Variants in ZDHHC13 observed in about 807,000 individuals in gnomAD.
The protein encoded by ZDHHC13 is zDHHC palmitoyltransferase 13.
Under a neutral mutation model 86.0 loss-of-function variants are expected in ZDHHC13, and 85 were observed. The ratio of observed to expected loss-of-function variants is 0.99; its 90% CI spans 0.83 to 1.18. ZDHHC13 has a LOEUF of 1.18. ZDHHC13 is among the 50% of genes most tolerant of loss of function. The probability of loss-of-function intolerance (pLI) is 0.00; values close to 1 mark genes in which losing one functional copy is unlikely to be tolerated. For synonymous variants in ZDHHC13, 263 were observed against 246.4 expected, an observed-to-expected ratio of 1.07 and a Z score of -0.63; for missense variants, 711 against 730.2, an observed-to-expected ratio of 0.97 and a Z score of 0.30.
intron 1 of ZDHHC13, among the ~76,000 whole-genome samples, chr11:19,131,236 T>C (rs1322392304): frequency 6.6e-6 from 1 of 152,164 alleles, no homozygotes; most frequent in East Asian, 1.9e-4. Context: ...GCCAGGCTGG[T>C]CTCGAACTCC....
intron 9 of ZDHHC13, among the ~76,000 whole-genome samples, chr11:19,157,972 A>G (rs536455654): frequency 1.3e-5 from 2 of 152,336 alleles, no homozygotes; most frequent in Admixed American, 1.3e-4. Context: ...ATGTAGTGGT[A>G]GCAGGCTCTT....
chr11:19,126,681 C>T (rs1028978578), intron 1 of ZDHHC13, among the ~76,000 whole-genome samples: 1 of 151,780 alleles, frequency 6.6e-6, no homozygotes, highest in Admixed American at 6.6e-5. Flanking sequence ...CATGAGTTCT[C>T]ATCATTTAGC....
chr11:19,176,135 G>A lies in ZDHHC13; in HGVS notation c.*175G>A. On this transcript the variant is annotated 3_prime_UTR_variant, in exon 17 of 17. Coordinates refer to ENST00000446113, the MANE Select transcript of ZDHHC13 (RefSeq NM_019028.3). ...AAGGCATTACAATTTTTTAGGTTTA[G>A]AAAGATGGACTTTTCTGATAAATCT... 2 of 514,492 alleles carry A rather than the reference G, an allele frequency of 3.9e-6. No individual in the cohort carries two copies. The highest frequency in any genetic ancestry group is 6.1e-6 in the Non-Finnish European group (2 of 325,532). The allele number at this position is 514,492 out of a possible 1,614,324, so 31.9% of individuals were successfully genotyped here.
chr11:19,136,013 C>T (rs569836065), intron 1 of ZDHHC13, among the ~76,000 whole-genome samples: 47 of 152,318 alleles, frequency 3.1e-4, no homozygotes, highest in African/African-American at 1.0e-3. Context: ...AAAAGCAGAG[C>T]GCCTCTCCTC....
At chr11:19,173,748 GA>G (rs1850286098) in intron 16 of ZDHHC13, among the ~76,000 whole-genome samples, 4 of 152,188 alleles carry the variant, frequency 2.6e-5, no homozygotes, top group Admixed American at 2.6e-4. Flanking sequence ...AGCTAAACCA[GA>G]GGAATAAATG....
intron 8 of ZDHHC13, among the ~76,000 whole-genome samples, chr11:19,155,062 A>T (rs921033682): frequency 2.0e-5 from 3 of 152,156 alleles, no homozygotes; most frequent in African/African-American, 7.2e-5. Context: ...ATTGCATCTG[A>T]CCTTCTGCAT....
chr11:19,164,054 G>A (rs1175606402), intron 11 of ZDHHC13, among the ~76,000 whole-genome samples: 2 of 152,106 alleles, frequency 1.3e-5, no homozygotes, highest in African/African-American at 2.4e-5. Context: ...CATTCACAGA[G>A]ATGAGGTGAT....
chr11:19,143,958 G>A (rs1300925354), intron 2 of ZDHHC13, among the ~76,000 whole-genome samples: 2 of 152,108 alleles, frequency 1.3e-5, no homozygotes, highest in African/African-American at 4.8e-5. Flanking sequence ...TCAGCCTGAG[G>A]GGAACTAATG....
Position 19,175,948 on chromosome 11 carries a change from T to A in ZDHHC13, c.1857T>A (p.Leu619=). ...MVFHPAREKV[L]RSV is the part of the protein sequence containing the mutation. ...TTCACCCAGCCAGGGAGAAGGTTCT[T>A]CGCTCAGTATGAAGAAAAGCAACCC... The change falls in exon 17 of 17, where the codon CTT becomes CTA. Residue 619 remains leucine, a synonymous_variant. Coordinates refer to ENST00000446113, the MANE Select transcript of ZDHHC13 (RefSeq NM_019028.3). The A allele has an allele frequency of 6.2e-7, 1 of 1,607,584 alleles. No individual in the cohort carries two copies. Among genetic ancestry groups the A allele is most frequent in the Non-Finnish European group, 8.5e-7 (1 of 1,178,016 alleles).
intron 16 of ZDHHC13, among the ~76,000 whole-genome samples, chr11:19,174,931 G>A (rs190176539): frequency 1.6e-3 from 249 of 152,254 alleles, no homozygotes; most frequent in African/African-American, 5.6e-3. Flanking sequence ...ACAAAGAGGA[G>A]GAATGTTTAT....
intron 1 of ZDHHC13, among the ~76,000 whole-genome samples, chr11:19,122,936 G>C (rs1446745148): frequency 6.6e-6 from 1 of 152,102 alleles, no homozygotes; most frequent in Non-Finnish European, 1.5e-5. Context: ...ACTTTGATCT[G>C]CATGCGGGTA....
At chr11:19,128,172 T>C (rs1487566637) in intron 1 of ZDHHC13, among the ~76,000 whole-genome samples, 1 of 152,224 alleles carries the variant, frequency 6.6e-6, no homozygotes, top group Admixed American at 6.5e-5. Flanking sequence ...TTCACCTCCC[T>C]GATTAGCTGT....
intron 9 of ZDHHC13, among the ~76,000 whole-genome samples, chr11:19,157,858 A>G (rs1849800802): frequency 6.6e-6 from 1 of 152,210 alleles, no homozygotes; most frequent in Non-Finnish European, 1.5e-5. Context: ...ATATTCCTCT[A>G]TAGGGTCCCA....
chr11:19,133,406 C>CAT lies in ZDHHC13; in HGVS notation c.28-9558_28-9557dup, dbSNP rs949753021. 6.3e-3 allele frequency among the ~76,000 whole-genome samples: 843 copies of CAT among 133,202 alleles called. 22 individuals carry two copies. Among genetic ancestry groups the CAT allele is most frequent in the East Asian group, 5.2e-3 (22 of 4,244 alleles). The allele number at this position is 133,202 out of a possible 152,430, so 87.4% of individuals were successfully genotyped here. On this transcript the variant is annotated intron_variant, in intron 1 of 16. Transcript: ENST00000446113. ...ATATATACACACACACACACACACACATATATATATATATACCTAGAGACA... is the reference window on the plus strand; with the variant it reads ...ATATATACACACACACACACACACACATATATATATATATATACCTAGAGACA...
Position 19,143,057 on chromosome 11 carries a change from C to G in ZDHHC13, c.107C>G (p.Ala36Gly), listed in dbSNP as rs1396959077. Residue 36 changes from alanine to glycine, a missense_variant, in exon 2 of 17, where the codon GCC (alanine) becomes GGC (glycine). Physicochemically the swap from Ala to Gly is moderately conservative, Grantham distance 60. Coordinates refer to ENST00000446113, the MANE Select transcript of ZDHHC13 (RefSeq NM_019028.3). ...GICAHENKEL[A>G]NAREALPLIE... is the part of the protein sequence containing the mutation. ...TGTGCACATGAAAACAAAGAACTTG[C>G]CAATGCAAGAGAAGCTCTTCCTCTT... 1 of 1,613,050 alleles carries G rather than the reference C, an allele frequency of 6.2e-7. No homozygotes were observed. Among genetic ancestry groups the G allele is most frequent in the Admixed American group, 1.7e-5 (1 of 59,898 alleles).
At position 19,130,079 on chromosome 11, in the gene ZDHHC13, C is replaced by A. The variant is rs527988283; in HGVS notation, c.27+12803C>A. On this transcript the variant is annotated intron_variant, in intron 1 of 16. Coordinates refer to ENST00000446113, the MANE Select transcript of ZDHHC13 (RefSeq NM_019028.3). ...CTCCAGCCTGGGCAACAGAGTGAGACTCCGTCTTAAAAAAAAAAGAGCTGG... is the reference window on the plus strand; with the variant it reads ...CTCCAGCCTGGGCAACAGAGTGAGAATCCGTCTTAAAAAAAAAAGAGCTGG... Among the ~76,000 whole-genome samples the A allele has an allele frequency of 3.1e-3, 469 of 151,998 alleles. 4 individuals carry two copies. Among genetic ancestry groups the A allele is most frequent in the African/African-American group, 0.011 (449 of 41,432 alleles).
chr11:19,140,994 G>A (rs573041159), intron 1 of ZDHHC13, among the ~76,000 whole-genome samples: 117 of 151,426 alleles, frequency 7.7e-4, no homozygotes, highest in Middle Eastern at 3.4e-3. Flanking sequence ...GCAGCGCACC[G>A]GCATGGCACA....
chr11:19,137,855 G>C (rs1476723551), intron 1 of ZDHHC13, among the ~76,000 whole-genome samples: 1 of 152,132 alleles, frequency 6.6e-6, no homozygotes, highest in Non-Finnish European at 1.5e-5. Context: ...GATGTTCTTT[G>C]AAACCAACGA....
At chr11:19,168,152 G>C (rs528981930) in intron 14 of ZDHHC13, 3 of 152,312 alleles carry the variant, frequency 2.0e-5, no homozygotes, top group African/African-American at 7.2e-5. Flanking sequence ...AAAAGTAAAA[G>C]AGTTTTTGAC....
Sources: gnomAD v4.1 joint callset for allele counts (sites outside exome capture counted in the v4.1 genomes callset) on GRCh38, gnomAD v4.1.1 for gene constraint, MANE v1.5 for transcripts, NCBI Gene and HGNC (gene_info 2026-07-23, HGNC 2026-07-21) for gene names.